TENT4A: variants seen among roughly 807,000 people sequenced by gnomAD.
The protein encoded by TENT4A is DNA polymerase kappa.
TENT4A carries 7 observed loss-of-function variants against 72.8 expected under a neutral mutation model. That is an observed-to-expected ratio of 0.10 (90% CI 0.05 to 0.18). The LOEUF is 0.18. Ranked by LOEUF, TENT4A falls within the 10% of genes least tolerant of loss-of-function variation. The probability of loss-of-function intolerance (pLI) is 1.00; values close to 1 mark genes in which losing one functional copy is unlikely to be tolerated. For synonymous variants in TENT4A, 456 were observed against 434.3 expected (o/e 1.05, Z -0.62); for missense variants, 831 against 1,017.7 (o/e 0.82, Z 2.50).
At chr5:6,730,095 GCCC>G (rs3215068) in intron 1 of TENT4A, among the ~76,000 whole-genome samples, 2 of 150,992 alleles carry the variant, frequency 1.3e-5, no homozygotes, top group African/African-American at 4.9e-5. Flanking sequence ...TTGTTTCTCC[GCCC>G]CCCCCCGGAG....
At chr5:6,725,449 G>T (rs1007913275) in intron 1 of TENT4A, among the ~76,000 whole-genome samples, 1 of 152,226 alleles carries the variant, frequency 6.6e-6, no homozygotes, top group Non-Finnish European at 1.5e-5. Context: ...CTCCAGAGAT[G>T]GACAGCTAGT....
chr5:6,724,686 A>G (rs938194962), intron 1 of TENT4A, among the ~76,000 whole-genome samples: 5 of 152,212 alleles, frequency 3.3e-5, no homozygotes, highest in South Asian at 2.1e-4. Flanking sequence ...TGGTTTTAGA[A>G]TAAAATAACA....
intron 8 of TENT4A, 81 bp downstream of exon 8, chr5:6,748,671 T>A: frequency 7.2e-7 from 1 of 1,392,360 alleles, no homozygotes; most frequent in South Asian, 1.3e-5. Flanking sequence ...TTTACCTCCA[T>A]GAAATTTATG....
In TENT4A at chr5:6,755,050, C is replaced by T. The variant is rs1010589010; in HGVS notation, c.*105C>T. On this transcript the variant is annotated 3_prime_UTR_variant, in exon 13 of 13. Transcript: ENST00000230859. The stretch of plus-strand genomic sequence containing the variant: ...CAGCACCCCGCACGTCAGCCGGGCT[C>T]GCGGCACGCCCGCCGCTGATCACTC... The T allele has an allele frequency of 3.6e-5, 35 of 966,200 alleles. No homozygotes were observed. Among genetic ancestry groups the T allele is most frequent in the Middle Eastern group, 5.8e-4 (2 of 3,474 alleles). The allele number at this position is 966,200 out of a possible 1,614,324, so 59.9% of individuals were successfully genotyped here. A position where few individuals can be genotyped will look rare whatever the true frequency, so the allele number is the denominator to read the frequency against.
chr5:6,734,468 T>C (rs1436885384), intron 1 of TENT4A, among the ~76,000 whole-genome samples: 1 of 152,222 alleles, frequency 6.6e-6, no homozygotes, highest in Non-Finnish European at 1.5e-5. Flanking sequence ...GTGCGGCACC[T>C]TGCTGGTCCC....
chr5:6,753,135 C>G (rs1742507295), intron 12 of TENT4A, 98 bp downstream of exon 12: 3 of 1,221,548 alleles, frequency 2.5e-6, no homozygotes, highest in Non-Finnish European at 3.4e-6. Flanking sequence ...CCAGAGAGAT[C>G]ATTTGAAAAC....
Position 6,717,595 on chromosome 5 carries a change from G to A in TENT4A, c.716+2896G>A, listed in dbSNP as rs75233897. ...GGGATTGGTGCAAGAACCTTCAGAGGAGAGGAGGTGAAATGCTTCTTTTGG... is the reference window on the plus strand; with the variant it reads ...GGGATTGGTGCAAGAACCTTCAGAGAAGAGGAGGTGAAATGCTTCTTTTGG... On this transcript the variant is annotated intron_variant, in intron 1 of 12. Coordinates refer to ENST00000230859, the MANE Select transcript of TENT4A (RefSeq NM_006999.6). Among the ~76,000 whole-genome samples the A allele has an allele frequency of 4.7e-3, 723 of 152,390 alleles. 5 individuals carry two copies. The highest frequency in any genetic ancestry group is 0.013 in the African/African-American group (527 of 41,590).
At position 6,749,608 on chromosome 5, in the gene TENT4A, G is replaced by T; in HGVS notation, c.1638G>T (p.Arg546Ser). ...KVTQEVIDYR[R>S]WIKEKWGSKA... Reference sequence around the variant, plus strand: ...CTCAGGAGGTGATTGACTACCGGAGGTGGATCAAAGAGAAGTGGGGCAGCA... The same window carrying T: ...CTCAGGAGGTGATTGACTACCGGAGTTGGATCAAAGAGAAGTGGGGCAGCA... The change falls in exon 9 of 13, where the codon AGG becomes AGT. Residue 546 changes from arginine to serine, a missense_variant. Around this residue, in one of 3 missense-constraint regions of TENT4A, gnomAD observed 197 missense variants for 399.6 expected, o/e 0.49. Transcript: ENST00000230859. 1 of 1,614,080 alleles carries T rather than the reference G, an allele frequency of 6.2e-7. No homozygotes were observed. Among genetic ancestry groups the T allele is most frequent in the Non-Finnish European group, 8.5e-7 (1 of 1,179,944 alleles).
chr5:6,753,340 A>T (rs1336232675), intron 12 of TENT4A, among the ~76,000 whole-genome samples: 1 of 152,250 alleles, frequency 6.6e-6, no homozygotes, highest in Non-Finnish European at 1.5e-5. Context: ...CATTTACATA[A>T]TTCATTTATA....
chr5:6,750,805 A>G (rs75055947), intron 10 of TENT4A: 12,411 of 541,538 alleles, frequency 0.023, 215 homozygotes, highest in South Asian at 0.042. Flanking sequence ...GATTAAAAAA[A>G]AAATTAAATC....
At chr5:6,720,220 G>T (rs1318633619) in intron 1 of TENT4A, among the ~76,000 whole-genome samples, 1 of 152,158 alleles carries the variant, frequency 6.6e-6, no homozygotes, top group Non-Finnish European at 1.5e-5. Context: ...CTGCCTACCT[G>T]AAGGTCATGT....
chr5:6,728,354 A>G (rs1415673222), intron 1 of TENT4A, among the ~76,000 whole-genome samples: 1 of 152,236 alleles, frequency 6.6e-6, no homozygotes, highest in African/African-American at 2.4e-5. Flanking sequence ...AATTCCACTC[A>G]GCACAGCCCC....
At chr5:6,731,166 G>T (rs973013769) in intron 1 of TENT4A, among the ~76,000 whole-genome samples, 2 of 152,196 alleles carry the variant, frequency 1.3e-5, no homozygotes, top group Non-Finnish European at 2.9e-5. Flanking sequence ...AGTGAACATT[G>T]TGGAGCTGAA....
At position 6,748,666 on chromosome 5, in the gene TENT4A, C is replaced by T. The variant is rs1268205072; in HGVS notation, c.1586+76C>T. ...CTTATCCCTTTCCTGTGTCATTTAC[C>T]TCCATGAAATTTATGAAGGGATGTT... On this transcript the variant is annotated intron_variant, in intron 8 of 12. Coordinates refer to ENST00000230859, the MANE Select transcript of TENT4A (RefSeq NM_006999.6). 4.1e-6 allele frequency: 6 copies of T among 1,448,748 alleles called. No individual in the cohort carries two copies. The East Asian group carries it at 1.2e-4, about 28-fold the overall frequency. 89.7% of individuals were successfully genotyped at this position (1,448,748 alleles called of 1,614,324 possible). A position where few individuals can be genotyped will look rare whatever the true frequency, so the allele number is the denominator to read the frequency against.
chr5:6,716,333 C>T (rs1740386607), intron 1 of TENT4A, among the ~76,000 whole-genome samples: 1 of 152,166 alleles, frequency 6.6e-6, no homozygotes, highest in South Asian at 2.1e-4. Context: ...GCAAGTGCCC[C>T]CTGCCTAGAG....
At chr5:6,754,421 G>A (rs977874167) in intron 12 of TENT4A, among the ~76,000 whole-genome samples, 1 of 152,072 alleles carries the variant, frequency 6.6e-6, no homozygotes, top group Non-Finnish European at 1.5e-5. Context: ...TGCCTGCCTC[G>A]GCCTCCCAAA....
At position 6,754,966 on chromosome 5, in the gene TENT4A, C is replaced by T. The variant is rs766622423; in HGVS notation, c.*21C>T. The stretch of plus-strand genomic sequence containing the variant: ...GATAATGGCTCCTGGCTGCGTCAGC[C>T]TCCCCCACCCCTCTGCAGACTGCCC... On this transcript the variant is annotated 3_prime_UTR_variant, in exon 13 of 13. Transcript: ENST00000230859. 3 of 1,555,302 alleles carry T rather than the reference C, an allele frequency of 1.9e-6. No homozygotes were observed. Among genetic ancestry groups the T allele is most frequent in the East Asian group, 4.6e-5 (2 of 43,298 alleles).
At chr5:6,718,288 G>A (rs1362867596) in intron 1 of TENT4A, among the ~76,000 whole-genome samples, 9 of 152,220 alleles carry the variant, frequency 5.9e-5, no homozygotes, top group African/African-American at 1.7e-4. Context: ...TCTTGCGAAG[G>A]AGTCACAGCT....
Position 6,739,774 on chromosome 5 carries a change from T to C in TENT4A, c.930T>C (p.Pro310=), listed in dbSNP as rs747701014. The C allele has an allele frequency of 5.6e-6, 9 of 1,614,188 alleles. No homozygotes were observed. In the East Asian group the frequency reaches 1.3e-4, roughly 24 times the overall value. ...TCTTCGGGAAATGGGAGCGTCCTCC[T>C]TTACAGCTGCTGGAGCAAGCCCTGC... ...LVVFGKWERP[P]LQLLEQALRK... Residue 310 remains proline (P), a synonymous_variant, in exon 4 of 13, where the codon CCT becomes CCC. Transcript: ENST00000230859.
Sources: gnomAD v4.1 joint callset for allele counts (sites outside exome capture counted in the v4.1 genomes callset) on GRCh38, gnomAD v4.1.1 for gene constraint, gnomAD v4.1.1 regional missense constraint, MANE v1.5 for transcripts, NCBI Gene and HGNC (gene_info 2026-07-23, HGNC 2026-07-21) for gene names.